Variants in RAB11FIP4 observed in about 807,000 individuals in gnomAD.
RAB11FIP4 encodes rab11 family-interacting protein 4.
RAB11FIP4 carries 23 observed loss-of-function variants against 74.3 expected under a neutral mutation model. That is an observed-to-expected ratio of 0.31 (90% CI 0.22 to 0.44). The LOEUF (loss-of-function observed/expected upper bound fraction) is 0.44. RAB11FIP4 is among the 20% of genes least tolerant of loss of function. RAB11FIP4 has a pLI of 1.00. For missense variants in RAB11FIP4, 630 were observed against 863.9 expected (o/e 0.73, Z 3.39); for synonymous variants, 360 against 359.9 (o/e 1.00, Z 0.00).
At chr17:31,495,398 A>C (rs2072096573) in intron 3 of RAB11FIP4, among the ~76,000 whole-genome samples, 1 of 119,966 alleles carries the variant, frequency 8.3e-6, no homozygotes, top group African/African-American at 3.2e-5. Context: ...TTTTTGAGAC[A>C]GGGTTTCGCA....
chr17:31,394,497 TTTTTC>T (rs766321170), intron 1 of RAB11FIP4, among the ~76,000 whole-genome samples: 33 of 152,330 alleles, frequency 2.2e-4, no homozygotes, highest in Admixed American at 8.5e-4. Flanking sequence ...ACACAATTCC[TTTTTC>T]TTTTCTTTTC....
chr17:31,395,440 C>T (rs946692255), intron 1 of RAB11FIP4, among the ~76,000 whole-genome samples: 16 of 152,158 alleles, frequency 1.1e-4, no homozygotes, highest in Non-Finnish European at 2.9e-5. Context: ...CCAACAAACA[C>T]TGTCTCAGAA....
chr17:31,477,320 G>A (rs902881863), intron 3 of RAB11FIP4, among the ~76,000 whole-genome samples: 5 of 152,206 alleles, frequency 3.3e-5, no homozygotes, highest in African/African-American at 9.6e-5. Flanking sequence ...GCAACCACAC[G>A]ACTGTGAGGA....
rs560387169 is a variant in RAB11FIP4, at chr17:31,402,816, G to A, written c.159+10805G>A. Among the ~76,000 whole-genome samples, 366 of 151,476 alleles carry A rather than the reference G, an allele frequency of 2.4e-3. 1 individual carries two copies. The highest frequency in any genetic ancestry group is 3.5e-3 in the East Asian group (18 of 5,148). The stretch of plus-strand genomic sequence containing the variant: ...TTTTTTTTGTATTTTTAGTAGAGAC[G>A]GGGTTTCACCGTGTTAGCCAGGATG... On this transcript the variant is annotated intron_variant, in intron 1 of 14. Transcript: ENST00000621161.
intron 3 of RAB11FIP4, among the ~76,000 whole-genome samples, chr17:31,449,474 C>T (rs1192462890): frequency 6.6e-6 from 1 of 152,196 alleles, no homozygotes; most frequent in African/African-American, 2.4e-5. Flanking sequence ...TCTTGCCTCC[C>T]TTTCTCTCTG....
intron 3 of RAB11FIP4, among the ~76,000 whole-genome samples, chr17:31,453,949 G>A (rs957740316): frequency 2.6e-5 from 4 of 152,152 alleles, no homozygotes; most frequent in African/African-American, 9.7e-5. Flanking sequence ...TGGTGACCAG[G>A]TGCTGATAGC....
chr17:31,408,589 G>T (rs1418764933), intron 1 of RAB11FIP4, among the ~76,000 whole-genome samples: 1 of 152,098 alleles, frequency 6.6e-6, no homozygotes, highest in Non-Finnish European at 1.5e-5. Context: ...TAGTTTTCTG[G>T]TTGATGACTT....
intron 3 of RAB11FIP4, among the ~76,000 whole-genome samples, chr17:31,459,177 C>T (rs1271986213): frequency 6.6e-6 from 1 of 152,084 alleles, no homozygotes; most frequent in Non-Finnish European, 1.5e-5. Context: ...CCCAGTCCTA[C>T]CCACCTCCAA....
chr17:31,394,938 C>CGGG (rs79511810), intron 1 of RAB11FIP4, among the ~76,000 whole-genome samples: 89 of 71,278 alleles, frequency 1.2e-3, no homozygotes, highest in African/African-American at 5.3e-3. Context: ...TGGCGGGGGG[C>CGGG]GGGGGGGGGG....
At chr17:31,409,194 G>A (rs2071070316) in intron 1 of RAB11FIP4, among the ~76,000 whole-genome samples, 1 of 152,134 alleles carries the variant, frequency 6.6e-6, no homozygotes, top group Admixed American at 6.5e-5. Context: ...TTTTTACAGT[G>A]GAGAGACAGT....
intron 3 of RAB11FIP4, among the ~76,000 whole-genome samples, chr17:31,515,456 A>G (rs1221951966): frequency 9.3e-6 from 1 of 107,338 alleles, no homozygotes; most frequent in Non-Finnish European, 2.5e-5. Flanking sequence ...GCTCATGATA[A>G]TATTGCCATC....
rs557859666 is a variant in RAB11FIP4, at chr17:31,454,439, A to G, written c.336+20317A>G. 4.6e-5 allele frequency among the ~76,000 whole-genome samples: 7 copies of G among 152,032 alleles called. No homozygotes were observed. The South Asian group carries it at 1.5e-3, about 32-fold the overall frequency. On this transcript the variant is annotated intron_variant, in intron 3 of 14. Transcript: ENST00000621161. ...CAGGTATGTGCCACCACGCCCAACTAATTTTTGTATTTTTAATAGAGATGG... is the reference window on the plus strand; with the variant it reads ...CAGGTATGTGCCACCACGCCCAACTGATTTTTGTATTTTTAATAGAGATGG...
chr17:31,454,337 G>A (rs1195714145), intron 3 of RAB11FIP4, among the ~76,000 whole-genome samples: 1 of 152,058 alleles, frequency 6.6e-6, no homozygotes, highest in African/African-American at 2.4e-5. Context: ...GCAGTGGTGC[G>A]ATCTCAGCTC....
At chr17:31,529,242 C>T (rs996522808) in intron 13 of RAB11FIP4, among the ~76,000 whole-genome samples, 1 of 151,982 alleles carries the variant, frequency 6.6e-6, no homozygotes, top group African/African-American at 2.4e-5. Context: ...GGACTACAGG[C>T]ACACACCACC....
chr17:31,487,396 C>G (rs546039786), intron 3 of RAB11FIP4, among the ~76,000 whole-genome samples: 77 of 152,162 alleles, frequency 5.1e-4, no homozygotes, highest in Non-Finnish European at 9.3e-4. Flanking sequence ...CCACTGTGCC[C>G]GGCCTGAGGA....
chr17:31,498,941 G>A (rs374092818), intron 3 of RAB11FIP4, among the ~76,000 whole-genome samples: 5 of 152,276 alleles, frequency 3.3e-5, no homozygotes, highest in African/African-American at 1.2e-4. Context: ...TTGGTTGTGT[G>A]AGTAATTAAG....
chr17:31,401,922 A>C (rs1306897686), intron 1 of RAB11FIP4, among the ~76,000 whole-genome samples: 3 of 152,134 alleles, frequency 2.0e-5, no homozygotes, highest in Admixed American at 1.3e-4. Flanking sequence ...TCTATCTCCT[A>C]GAGTTCCATC....
intron 3 of RAB11FIP4, among the ~76,000 whole-genome samples, chr17:31,514,649 C>T (rs1050001689): frequency 1.3e-5 from 2 of 152,224 alleles, no homozygotes; most frequent in Admixed American, 6.5e-5. Flanking sequence ...GGGGAACTCT[C>T]GCTACCCGTG....
chr17:31,533,634 C>A lies in RAB11FIP4; in HGVS notation c.*1902C>A, dbSNP rs4795615. ...CTTACCCCAGGGTTGAGTATTTTAT[C>A]TGTAAAATGTTATCTGCCCTTTGGC... On this transcript the variant is annotated 3_prime_UTR_variant, in exon 15 of 15. Coordinates refer to ENST00000621161, the MANE Select transcript of RAB11FIP4 (RefSeq NM_032932.6). 0.73 allele frequency: 110,611 copies of A among 152,262 alleles called. 40,788 individuals are homozygous for A. The highest frequency in any genetic ancestry group is 0.87 in the African/African-American group (36,032 of 41,544). The allele number at this position is 152,262 out of a possible 1,614,324, so 9.4% of individuals were successfully genotyped here.
Sources: gnomAD v4.1 joint callset for allele counts (sites outside exome capture counted in the v4.1 genomes callset) on GRCh38, gnomAD v4.1.1 for gene constraint, MANE v1.5 for transcripts, NCBI Gene and HGNC (gene_info 2026-07-23, HGNC 2026-07-21) for gene names.